Variants in EGFR observed in about 807,000 individuals in gnomAD.
EGFR encodes epidermal growth factor receptor.
Under a neutral mutation model 143.0 loss-of-function variants are expected in EGFR, and 58 were observed. The observed-to-expected ratio is 0.41, with a 90% confidence interval of 0.33 to 0.50. The LOEUF (loss-of-function observed/expected upper bound fraction) is 0.50. Among genes scored for constraint, EGFR ranks in the 20% least tolerant of loss-of-function variants. The probability of loss-of-function intolerance (pLI) is 0.39; values close to 1 mark genes in which losing one functional copy is unlikely to be tolerated. For missense variants in EGFR, 1,307 were observed against 1,579.0 expected (o/e 0.83, Z 2.92); for synonymous variants, 613 against 594.4 (o/e 1.03, Z -0.45).
intron 1 of EGFR, among the ~76,000 whole-genome samples, chr7:55,083,109 T>C (rs1363197061): frequency 6.6e-6 from 1 of 152,190 alleles, no homozygotes; most frequent in Non-Finnish European, 1.5e-5. Flanking sequence ...CCATTACATC[T>C]TCAAAAACCC....
At chr7:55,095,249 G>A (rs543908577) in intron 1 of EGFR, among the ~76,000 whole-genome samples, 8 of 152,300 alleles carry the variant, frequency 5.3e-5, no homozygotes, top group Non-Finnish European at 7.4e-5. Flanking sequence ...TCCACCATGT[G>A]ACATTCAAAA....
chr7:55,133,421 G>T (rs933242777), intron 1 of EGFR, among the ~76,000 whole-genome samples: 1 of 152,204 alleles, frequency 6.6e-6, no homozygotes. Context: ...AAAGAGGGAC[G>T]TGAAGTCAGA....
chr7:55,209,951 C>T lies in EGFR; in HGVS notation c.*4334C>T, dbSNP rs1423685034. 1.3e-5 allele frequency: 2 copies of T among 152,190 alleles called. No individual in the cohort carries two copies. The highest frequency in any genetic ancestry group is 2.9e-5 in the Non-Finnish European group (2 of 68,038). 9.4% of individuals were successfully genotyped at this position (152,190 alleles called of 1,614,324 possible). On this transcript the variant is annotated 3_prime_UTR_variant, in exon 28 of 28. Transcript: ENST00000275493. ...CCTTTCTCTCTCTTATAAAAAGGCA[C>T]AACCTCATTGGGGAGCTAAGCTAGG...
chr7:55,048,087 A>G (rs893885282), intron 1 of EGFR, among the ~76,000 whole-genome samples: 8 of 152,336 alleles, frequency 5.3e-5, no homozygotes, highest in African/African-American at 1.7e-4. Context: ...GTATATGTAC[A>G]TTACATTAAA....
chr7:55,143,284 A>G, intron 2 of EGFR, 21 bp from the exon 3 acceptor site: 4 of 1,614,068 alleles, frequency 2.5e-6, no homozygotes, highest in South Asian at 1.1e-5. Context: ...GAAATCACGC[A>G]TTTATGTTTT....
chr7:55,127,749 A>C (rs893648474), intron 1 of EGFR, among the ~76,000 whole-genome samples: 1 of 152,164 alleles, frequency 6.6e-6, no homozygotes, highest in Non-Finnish European at 1.5e-5. Context: ...CAAAGTACAC[A>C]CTTCCAGTTT....
At chr7:55,093,170 G>A (rs1454825828) in intron 1 of EGFR, among the ~76,000 whole-genome samples, 1 of 152,194 alleles carries the variant, frequency 6.6e-6, no homozygotes, top group Non-Finnish European at 1.5e-5. Context: ...GGTCCGCTGG[G>A]TTCCTTCCAG....
At chr7:55,046,652 G>A (rs555241882) in intron 1 of EGFR, among the ~76,000 whole-genome samples, 2 of 151,100 alleles carry the variant, frequency 1.3e-5, no homozygotes. Context: ...TCTGCACTAC[G>A]CTTCTCGTAC....
chr7:55,158,503 A>G (rs1342794992), intron 11 of EGFR, among the ~76,000 whole-genome samples: 1 of 152,164 alleles, frequency 6.6e-6, no homozygotes, highest in South Asian at 2.1e-4. Context: ...TCTGATACTA[A>G]ATATGTGGCT....
chr7:55,132,437 A>G (rs775676269), intron 1 of EGFR, among the ~76,000 whole-genome samples: 1 of 152,244 alleles, frequency 6.6e-6, no homozygotes, highest in Non-Finnish European at 1.5e-5. Context: ...GTATCCCCCA[A>G]TTCGAATCCA....
chr7:55,069,285 C>T (rs1205326726), intron 1 of EGFR, among the ~76,000 whole-genome samples: 1 of 152,156 alleles, frequency 6.6e-6, no homozygotes, highest in Admixed American at 6.5e-5. Context: ...AACAGCCTGT[C>T]CTCAGCTGCA....
At chr7:55,075,301 G>A (rs1300490156) in intron 1 of EGFR, among the ~76,000 whole-genome samples, 3 of 152,114 alleles carry the variant, frequency 2.0e-5, no homozygotes, top group Non-Finnish European at 4.4e-5. Flanking sequence ...CCACACCGGT[G>A]GCCACTTTTC....
chr7:55,047,347 C>G (rs965014427), intron 1 of EGFR, among the ~76,000 whole-genome samples: 1 of 152,332 alleles, frequency 6.6e-6, no homozygotes, highest in Middle Eastern at 3.4e-3. Context: ...TGCAGGAAAA[C>G]TTTTTCCTAA....
chr7:55,090,934 A>G (rs958127717), intron 1 of EGFR, among the ~76,000 whole-genome samples: 3 of 152,216 alleles, frequency 2.0e-5, no homozygotes, highest in African/African-American at 4.8e-5. Context: ...TGTACACAAT[A>G]TACTTTTGTA....
intron 20 of EGFR, among the ~76,000 whole-genome samples, chr7:55,183,510 G>A (rs1381578170): frequency 6.6e-6 from 1 of 152,218 alleles, no homozygotes; most frequent in Non-Finnish European, 1.5e-5. Flanking sequence ...GACGTGAAAT[G>A]TGGAGACACT....
chr7:55,176,911 A>G (rs945747993), intron 19 of EGFR, among the ~76,000 whole-genome samples: 17 of 147,488 alleles, frequency 1.2e-4, no homozygotes, highest in African/African-American at 3.7e-4. Context: ...CTCTAAATAT[A>G]TATCTCTCTC....
intron 1 of EGFR, among the ~76,000 whole-genome samples, chr7:55,096,413 A>C (rs1261234858): frequency 1.3e-5 from 2 of 152,238 alleles, no homozygotes; most frequent in Non-Finnish European, 2.9e-5. Context: ...ACCTCTGCAC[A>C]TGCAATGCAG....
chr7:55,079,584 G>A (rs1354717442), intron 1 of EGFR, among the ~76,000 whole-genome samples: 2 of 138,024 alleles, frequency 1.4e-5, no homozygotes, highest in Non-Finnish European at 3.2e-5. Context: ...ATTTTATGGC[G>A]TTTTTTTGTT....
In EGFR at chr7:55,142,322, G is replaced by A. The variant is rs2128926187; in HGVS notation, c.125G>A (p.Gly42Asp). ...QGTSNKLTQL[G>D]TFEDHFLSLQ... Reference sequence around the variant, plus strand: ...ACGAGTAACAAGCTCACGCAGTTGGGCACTTTTGAAGATCATTTTCTCAGC... The same window carrying A: ...ACGAGTAACAAGCTCACGCAGTTGGACACTTTTGAAGATCATTTTCTCAGC... The change falls in exon 2 of 28, where the codon GGC (glycine) becomes GAC (aspartate). Residue 42 changes from glycine to aspartate, a missense_variant. Transcript: ENST00000275493. 1 of 1,614,174 alleles carries A rather than the reference G, an allele frequency of 6.2e-7. No individual in the cohort carries two copies. The highest frequency in any genetic ancestry group is 1.1e-5 in the South Asian group (1 of 91,074).
Sources: gnomAD v4.1 joint callset for allele counts (sites outside exome capture counted in the v4.1 genomes callset) on GRCh38, gnomAD v4.1.1 for gene constraint, MANE v1.5 for transcripts, NCBI Gene and HGNC (gene_info 2026-07-23, HGNC 2026-07-21) for gene names.